GRIA1: variants seen among roughly 807,000 people sequenced by gnomAD.
The protein encoded by GRIA1 is glutamate ionotropic receptor AMPA type subunit 1.
GRIA1 carries 31 observed loss-of-function variants against 99.2 expected under a neutral mutation model. The ratio of observed to expected loss-of-function variants is 0.31; its 90% CI spans 0.23 to 0.42. The LOEUF (loss-of-function observed/expected upper bound fraction) is 0.42, where lower values mean the gene tolerates loss of function less well. GRIA1 is among the 10% of genes least tolerant of loss of function. GRIA1 has a pLI of 1.00. For synonymous variants in GRIA1, 438 were observed against 432.4 expected (o/e 1.01, Z -0.16); for missense variants, 782 against 1,157.5 (o/e 0.68, Z 4.71).
At chr5:153,669,616 T>C (rs1756004380) in intron 5 of GRIA1, among the ~76,000 whole-genome samples, 1 of 152,178 alleles carries the variant, frequency 6.6e-6, no homozygotes, top group Non-Finnish European at 1.5e-5. Flanking sequence ...TTTTTAATAG[T>C]ATTAAAAATA....
chr5:153,618,833 G>A (rs1056156977), intron 2 of GRIA1, among the ~76,000 whole-genome samples: 2 of 152,196 alleles, frequency 1.3e-5, no homozygotes, highest in African/African-American at 4.8e-5. Context: ...GTTGGCCAAG[G>A]AGAAGTTCTG....
At chr5:153,618,331 A>G (rs918813362) in intron 2 of GRIA1, among the ~76,000 whole-genome samples, 3 of 152,268 alleles carry the variant, frequency 2.0e-5, no homozygotes, top group Admixed American at 6.5e-5. Flanking sequence ...TAAATACAGA[A>G]TAAAGTTTTC....
At chr5:153,741,963 A>C (rs1463288198) in intron 11 of GRIA1, among the ~76,000 whole-genome samples, 2 of 152,014 alleles carry the variant, frequency 1.3e-5, no homozygotes, top group Non-Finnish European at 2.9e-5. Flanking sequence ...AAAAGAGGAA[A>C]TATGCCTAGT....
At chr5:153,503,049 G>A (rs1434349296) in intron 2 of GRIA1, among the ~76,000 whole-genome samples, 1 of 151,916 alleles carries the variant, frequency 6.6e-6, no homozygotes, top group East Asian at 1.9e-4. Flanking sequence ...CATTTTTAAT[G>A]GTTTCATAAA....
At chr5:153,673,996 G>A (rs1280188163) in intron 5 of GRIA1, among the ~76,000 whole-genome samples, 3 of 152,204 alleles carry the variant, frequency 2.0e-5, no homozygotes, top group African/African-American at 7.2e-5. Context: ...GTAACTCATA[G>A]GAGCTTGCCC....
intron 4 of GRIA1, among the ~76,000 whole-genome samples, chr5:153,653,265 A>G (rs1027468886): frequency 3.3e-5 from 5 of 152,298 alleles, no homozygotes; most frequent in Admixed American, 1.3e-4. Context: ...CATTGGCTGG[A>G]TAAGAGCCTT....
chr5:153,640,509 G>A (rs910461260), intron 2 of GRIA1, among the ~76,000 whole-genome samples: 28 of 152,158 alleles, frequency 1.8e-4, no homozygotes, highest in African/African-American at 6.5e-4. Context: ...TTTTTCTGTT[G>A]TGCCCTTCTC....
At chr5:153,794,515 C>T in intron 13 of GRIA1, 106 bp from the exon 14 acceptor site, 3 of 771,988 alleles carry the variant, frequency 3.9e-6, no homozygotes, top group Admixed American at 2.0e-5. Context: ...AAAGGGCAAC[C>T]TGGCAGGCTG....
At chr5:153,499,545 G>A (rs890084661) in intron 2 of GRIA1, among the ~76,000 whole-genome samples, 13 of 142,060 alleles carry the variant, frequency 9.2e-5, no homozygotes, top group African/African-American at 3.4e-4. Context: ...AACTCAGGAG[G>A]CAGAGGTTGC....
At chr5:153,746,894 G>C (rs988317758) in intron 11 of GRIA1, among the ~76,000 whole-genome samples, 4 of 152,186 alleles carry the variant, frequency 2.6e-5, no homozygotes, top group Admixed American at 2.0e-4. Flanking sequence ...CGAGAAAGGA[G>C]GGTGGTGACC....
chr5:153,677,200 A>G (rs376405457), intron 7 of GRIA1, 39 bp downstream of exon 7: 2 of 1,356,066 alleles, frequency 1.5e-6, no homozygotes, highest in East Asian at 2.7e-5. Context: ...ATAGGAGCCT[A>G]CTGGGGGATT....
Position 153,698,926 on chromosome 5 carries a change from C to G in GRIA1, c.1305C>G (p.Tyr435Ter). Residue 435 changes from tyrosine to a stop codon, truncating the protein, a stop_gained, in exon 10 of 16, where the codon TAC (tyrosine) becomes TAG (stop). Transcript: ENST00000285900. LOFTEE classifies it high-confidence loss of function. ...NANQFEGNDR[Y>*]EGYCVELAAE... Reference sequence around the variant, plus strand: ...ATCAGTTTGAGGGCAATGACCGTTACGAGGGCTACTGTGTAGAGCTGGCGG... The same window carrying G: ...ATCAGTTTGAGGGCAATGACCGTTAGGAGGGCTACTGTGTAGAGCTGGCGG... The G allele has an allele frequency of 6.2e-7, 1 of 1,613,700 alleles. No homozygotes were observed. Among genetic ancestry groups the G allele is most frequent in the Non-Finnish European group, 8.5e-7 (1 of 1,179,614 alleles).
At chr5:153,509,738 C>A (rs1464301229) in intron 2 of GRIA1, among the ~76,000 whole-genome samples, 1 of 152,166 alleles carries the variant, frequency 6.6e-6, no homozygotes, top group Non-Finnish European at 1.5e-5. Context: ...TAATCATACA[C>A]TCCTTTTACA....
chr5:153,665,962 A>G (rs1175712434), intron 5 of GRIA1, among the ~76,000 whole-genome samples: 1 of 152,184 alleles, frequency 6.6e-6, no homozygotes, highest in Non-Finnish European at 1.5e-5. Flanking sequence ...ACTAATGGCT[A>G]TACAGGTTGA....
intron 15 of GRIA1, 55 bp downstream of exon 15, chr5:153,802,545 T>C: frequency 6.3e-7 from 1 of 1,577,198 alleles, no homozygotes; most frequent in Non-Finnish European, 8.7e-7. Flanking sequence ...GCAGCTGGGT[T>C]TCCTGGGAGT....
intron 11 of GRIA1, among the ~76,000 whole-genome samples, chr5:153,756,761 G>T (rs2149597231): frequency 6.6e-6 from 1 of 152,282 alleles, no homozygotes; most frequent in Middle Eastern, 3.4e-3. Context: ...AGCTGCAGCA[G>T]TCACAGACTC....
At chr5:153,677,571 AC>A (rs1423238143) in intron 7 of GRIA1, among the ~76,000 whole-genome samples, 4 of 152,246 alleles carry the variant, frequency 2.6e-5, no homozygotes, top group Non-Finnish European at 5.9e-5. Flanking sequence ...GGGTATGTGG[AC>A]CCTAAAAATG....
chr5:153,807,718 C>T (rs1219998981), intron 15 of GRIA1, among the ~76,000 whole-genome samples: 2 of 152,196 alleles, frequency 1.3e-5, no homozygotes, highest in African/African-American at 2.4e-5. Flanking sequence ...AATACATAAC[C>T]TAAGACACAT....
intron 2 of GRIA1, among the ~76,000 whole-genome samples, chr5:153,556,681 C>T (rs1421116684): frequency 1.3e-5 from 2 of 152,174 alleles, no homozygotes; most frequent in South Asian, 4.2e-4. Context: ...TCGAAAGGCC[C>T]TTCCACTTTA....
Sources: allele counts gnomAD v4.1 joint callset (sites outside exome capture counted in the v4.1 genomes callset), GRCh38; gene constraint gnomAD v4.1.1; transcripts MANE v1.5; gene names NCBI Gene and HGNC (gene_info 2026-07-23, HGNC 2026-07-21).